The following SMR3B variants were observed in gnomAD, a reference collection of about 807,000 sequenced individuals.
SMR3B encodes the protein submaxillary gland androgen regulated protein 3B.
For missense variants in SMR3B, 114 were observed against 99.9 expected, an observed-to-expected ratio of 1.14 and a Z score of -0.60; for synonymous variants, 42 against 36.1, an observed-to-expected ratio of 1.16 and a Z score of -0.59.
In SMR3B at chr4:70,389,978, CA is replaced by C. The variant is rs1265792042; in HGVS notation, c.*133del. The C allele has an allele frequency of 9.7e-6, 15 of 1,544,826 alleles. No homozygotes were observed. The highest frequency in any genetic ancestry group is 1.4e-5 in the African/African-American group (1 of 73,366). On this transcript the variant is annotated 3_prime_UTR_variant, in exon 3 of 3. Transcript: ENST00000304915. ...TCCTACCCTCCCTACTCCTGCACCC[CA>C]AATATGAACAACTGCAGCAGGTGCC...
chr4:70,389,420 A>C (rs1488814354), intron 2 of SMR3B, among the ~76,000 whole-genome samples: 1 of 152,150 alleles, frequency 6.6e-6, no homozygotes. Context: ...ACAACATGGC[A>C]TCTTGATTCA....
intron 2 of SMR3B, 183 bp downstream of exon 2, chr4:70,384,747 A>T: frequency 8.0e-7 from 1 of 1,244,494 alleles, no homozygotes; most frequent in South Asian, 1.6e-5. Flanking sequence ...CACATGTCTG[A>T]TGGCTGCCAT....
intron 2 of SMR3B, among the ~76,000 whole-genome samples, chr4:70,386,109 C>T (rs1732660662): frequency 6.6e-6 from 1 of 151,400 alleles, no homozygotes; most frequent in African/African-American, 2.4e-5. Context: ...GCTGTCTCTA[C>T]CAAAATTACA....
chr4:70,389,535 C>T, intron 2 of SMR3B, 128 bp from the exon 3 acceptor site: 1 of 901,308 alleles, frequency 1.1e-6, no homozygotes, highest in Non-Finnish European at 1.7e-6. Flanking sequence ...AAGGTCAGGC[C>T]AGCATGTGCC....
chr4:70,384,737 C>A, intron 2 of SMR3B, 173 bp downstream of exon 2: 1 of 1,328,866 alleles, frequency 7.5e-7, no homozygotes, highest in Non-Finnish European at 1.0e-6. Flanking sequence ...TAAATAACCA[C>A]ACATGTCTGA....
At chr4:70,389,581 T>C in intron 2 of SMR3B, 82 bp from the exon 3 acceptor site, 1 of 1,412,198 alleles carries the variant, frequency 7.1e-7, no homozygotes, top group Non-Finnish European at 9.8e-7. Flanking sequence ...ATCTCAGAGT[T>C]CTGCTTACCA....
intron 2 of SMR3B, among the ~76,000 whole-genome samples, chr4:70,386,200 G>T (rs1437549987): frequency 2.0e-5 from 3 of 150,874 alleles, no homozygotes; most frequent in African/African-American, 7.3e-5. Context: ...TTGAACCCGG[G>T]AGGTGGACAT....
intron 1 of SMR3B, 55 bp from the exon 2 acceptor site, chr4:70,384,442 T>C: frequency 6.3e-7 from 1 of 1,592,398 alleles, no homozygotes; most frequent in African/African-American, 1.4e-5. Context: ...ACATTTTAAA[T>C]AGTACTTTTT....
Position 70,390,148 on chromosome 4 carries a change from C to A in SMR3B, c.*300C>A. On this transcript the variant is annotated 3_prime_UTR_variant, in exon 3 of 3. Transcript: ENST00000304915. ...AATGAAAAATTCCAAAAGTGCTGAG[C>A]TTTGGGGAGAAATAATCTTAGAAAG... 1 of 670,286 alleles carries A rather than the reference C, an allele frequency of 1.5e-6. No individual in the cohort carries two copies. The highest frequency in any genetic ancestry group is 2.7e-6 in the Non-Finnish European group (1 of 374,362). 41.5% of individuals were successfully genotyped at this position (670,286 alleles called of 1,614,324 possible).
chr4:70,384,999 G>A (rs10012120), intron 2 of SMR3B: 109,554 of 154,442 alleles, frequency 0.71, 39,158 homozygotes, highest in African/African-American at 0.78. Context: ...AATGGGACCT[G>A]GAAAGATGCA....
At chr4:70,388,674 C>T (rs1207822385) in intron 2 of SMR3B, among the ~76,000 whole-genome samples, 1 of 152,136 alleles carries the variant, frequency 6.6e-6, no homozygotes, top group Admixed American at 6.6e-5. Flanking sequence ...ATTTCATTTC[C>T]CTTTAGATCA....
rs1442446015 is a variant in SMR3B at position 70,389,777 on chromosome 4, G to A, written c.169G>A (p.Gly57Arg). ...PPPPPPPYGP[G>R]RIPPPPPAPY... ...ACCTCCTCCTCCACCCTATGGTCCA[G>A]GGAGAATCCCACCTCCTCCTCCCGC... Residue 57 changes from glycine (G) to arginine (R), a missense_variant, in exon 3 of 3, where the codon GGG (glycine) becomes AGG (arginine). Transcript: ENST00000304915. 3.1e-6 allele frequency: 5 copies of A among 1,613,710 alleles called. No individual in the cohort carries two copies. Among genetic ancestry groups the A allele is most frequent in the Non-Finnish European group, 4.2e-6 (5 of 1,179,902 alleles).
intron 2 of SMR3B, among the ~76,000 whole-genome samples, chr4:70,385,829 A>G (rs1354091042): frequency 6.6e-6 from 1 of 152,140 alleles, no homozygotes; most frequent in Non-Finnish European, 1.5e-5. Context: ...AAATATATTG[A>G]TATATTTTAA....
chr4:70,386,929 A>T (rs1192342312), intron 2 of SMR3B, among the ~76,000 whole-genome samples: 1 of 152,194 alleles, frequency 6.6e-6, no homozygotes, highest in Admixed American at 6.5e-5. Flanking sequence ...ATACCACAGA[A>T]TGTCATTAGC....
Position 70,389,816 on chromosome 4 carries a change from G to A in SMR3B, c.208G>A (p.Gly70Arg), listed in dbSNP as rs2109762749. The change falls in exon 3 of 3, where the codon GGG becomes AGG. Residue 70 changes from glycine to arginine, a missense_variant. Physicochemically the swap from Gly to Arg is moderately radical, Grantham distance 125 (BLOSUM62 -2). Coordinates refer to ENST00000304915, the MANE Select transcript of SMR3B (RefSeq NM_006685.4). ...PPPPPAPYGPGIFPPPPPQP is the reference protein window; with the variant it reads ...PPPPPAPYGPRIFPPPPPQP The stretch of plus-strand genomic sequence containing the variant: ...TCCTCCTCCCGCACCCTATGGTCCA[G>A]GGATATTTCCACCACCCCCTCCTCA... 6.2e-7 allele frequency: 1 copy of A among 1,613,708 alleles called. No individual in the cohort carries two copies. The highest frequency in any genetic ancestry group is 8.5e-7 in the Non-Finnish European group (1 of 1,179,898).
chr4:70,389,634 T>A (rs1306599044), intron 2 of SMR3B, 29 bp from the exon 3 acceptor site: 1 of 1,599,978 alleles, frequency 6.3e-7, no homozygotes, highest in Non-Finnish European at 8.6e-7. Context: ...AATATCTGAT[T>A]TGAAATTATT....
At chr4:70,387,348 A>G (rs1422251342) in intron 2 of SMR3B, among the ~76,000 whole-genome samples, 1 of 152,214 alleles carries the variant, frequency 6.6e-6, no homozygotes, top group Non-Finnish European at 1.5e-5. Flanking sequence ...TTAAAGTGGA[A>G]GTAAGAGATA....
intron 2 of SMR3B, among the ~76,000 whole-genome samples, chr4:70,387,826 A>G (rs1424208838): frequency 6.6e-6 from 1 of 152,186 alleles, no homozygotes; most frequent in Non-Finnish European, 1.5e-5. Context: ...GACACTCAAA[A>G]AAGGATTTCA....
At chr4:70,386,574 A>T (rs979289958) in intron 2 of SMR3B, among the ~76,000 whole-genome samples, 1 of 152,140 alleles carries the variant, frequency 6.6e-6, no homozygotes, top group African/African-American at 2.4e-5. Flanking sequence ...GATTAGTGCC[A>T]ATTATAGTCC....
Sources: allele counts gnomAD v4.1 joint callset (sites outside exome capture counted in the v4.1 genomes callset), GRCh38; gene constraint gnomAD v4.1.1; transcripts MANE v1.5; gene names NCBI Gene and HGNC (gene_info 2026-07-23, HGNC 2026-07-21).